RALGPS1: variants seen among roughly 807,000 people sequenced by gnomAD.
The protein encoded by RALGPS1 is ras-specific guanine nucleotide-releasing factor RalGPS1.
Under a neutral mutation model 78.8 loss-of-function variants are expected in RALGPS1, and 19 were observed. The ratio of observed to expected loss-of-function variants is 0.24; its 90% CI spans 0.17 to 0.35. The LOEUF is 0.35. Ranked by LOEUF, RALGPS1 falls within the 10% of genes least tolerant of loss-of-function variation. The pLI, the probability that RALGPS1 is intolerant of heterozygous loss-of-function variation, is 1.00. For missense variants in RALGPS1, 454 were observed against 688.3 expected, an observed-to-expected ratio of 0.66 and a Z score of 3.81; for synonymous variants, 228 against 256.3, an observed-to-expected ratio of 0.89 and a Z score of 1.06.
chr9:126,967,768 A>C (rs1479392166), intron 3 of RALGPS1, among the ~76,000 whole-genome samples: 1 of 151,378 alleles, frequency 6.6e-6, no homozygotes, highest in Non-Finnish European at 1.5e-5. Flanking sequence ...CAATTCTTGG[A>C]CTCAAGTGAT....
At chr9:127,145,385 C>A (rs1564660904) in intron 8 of RALGPS1, among the ~76,000 whole-genome samples, 1 of 152,200 alleles carries the variant, frequency 6.6e-6, no homozygotes, top group Admixed American at 6.5e-5. Context: ...CCTGTGACGA[C>A]CTGCATCTTT....
intron 11 of RALGPS1, among the ~76,000 whole-genome samples, chr9:127,188,832 T>TTAAAAAAATAAAAAAAAAAAAAAAA (rs756481918): frequency 1.1e-5 from 1 of 87,472 alleles, no homozygotes. Context: ...CCATCTCTAC[T>TTAAAAAAATAAAAAAAAAAAAAAAA]AAAAAAAAAA....
chr9:127,139,406 T>C (rs972840098), intron 8 of RALGPS1, among the ~76,000 whole-genome samples: 1 of 152,358 alleles, frequency 6.6e-6, no homozygotes, highest in South Asian at 2.1e-4. Context: ...CAAACATTCA[T>C]GAACCCAACC....
chr9:127,045,868 C>T (rs371111556), intron 5 of RALGPS1, among the ~76,000 whole-genome samples: 1 of 151,782 alleles, frequency 6.6e-6, no homozygotes, highest in Non-Finnish European at 1.5e-5. Context: ...ATACTTCATA[C>T]CTGTTTTGTG....
At chr9:127,186,196 TCC>T (rs2060631684) in intron 11 of RALGPS1, among the ~76,000 whole-genome samples, 1 of 152,232 alleles carries the variant, frequency 6.6e-6, no homozygotes, top group Non-Finnish European at 1.5e-5. Context: ...GATATCTCGT[TCC>T]CCACAGAGAC....
Position 126,993,766 on chromosome 9 carries a change from G to T in RALGPS1, c.216+16021G>T, listed in dbSNP as rs906662999. 1.5e-4 allele frequency among the ~76,000 whole-genome samples: 23 copies of T among 152,108 alleles called. 1 individual carries two copies. Among genetic ancestry groups the T allele is most frequent in the African/African-American group, 5.3e-4 (22 of 41,426 alleles). ...TCCCTGACCCCAGAGTAGCCTAACT[G>T]GGAGGCACCCCCAGTAGGGGCGGAC... On this transcript the variant is annotated intron_variant, in intron 4 of 18. Coordinates refer to ENST00000259351, the MANE Select transcript of RALGPS1 (RefSeq NM_014636.3).
At position 127,091,883 on chromosome 9, in the gene RALGPS1, G is replaced by C; in HGVS notation, c.610+22527G>C. 1 of 1,614,136 alleles carries C rather than the reference G, an allele frequency of 6.2e-7. No individual in the cohort carries two copies. Among genetic ancestry groups the C allele is most frequent in the Non-Finnish European group, 8.5e-7 (1 of 1,180,032 alleles). ...AGTTTGTAGTTGCCTTGGTTCGTCA[G>C]CCAGTAAATGTTCTCCAGGCCCAGC... On this transcript the variant is annotated intron_variant, in intron 8 of 18. Coordinates refer to ENST00000259351, the MANE Select transcript of RALGPS1 (RefSeq NM_014636.3). This position sits in a 1 kb window ranked among gnomAD's most constrained non-coding sequence, Gnocchi z 4.3.
In RALGPS1 at chr9:127,169,469, G is replaced by A. The variant is rs138480108; in HGVS notation, c.842+697G>A. Among the ~76,000 whole-genome samples the A allele has an allele frequency of 9.8e-4, 149 of 152,000 alleles. No individual in the cohort carries two copies. The East Asian group carries it at 0.02, about 20-fold the overall frequency. On this transcript the variant is annotated intron_variant, in intron 10 of 18. Coordinates refer to ENST00000259351, the MANE Select transcript of RALGPS1 (RefSeq NM_014636.3). ...TGGAGGGAAAAGAAGGATTTTTTTCGTGTTAACTCTGTCTGCCATACTGCT... is the reference window on the plus strand; with the variant it reads ...TGGAGGGAAAAGAAGGATTTTTTTCATGTTAACTCTGTCTGCCATACTGCT...
chr9:127,142,181 C>T (rs761586423), intron 8 of RALGPS1, among the ~76,000 whole-genome samples: 51 of 152,210 alleles, frequency 3.4e-4, no homozygotes, highest in Admixed American at 1.3e-4. Flanking sequence ...TCATAGAGAG[C>T]AGGAGATGCC....
intron 8 of RALGPS1, among the ~76,000 whole-genome samples, chr9:127,130,608 A>G (rs1199970568): frequency 6.6e-6 from 1 of 152,228 alleles, no homozygotes; most frequent in Non-Finnish European, 1.5e-5. Flanking sequence ...TCCTTTTAAC[A>G]TAGTGGAAAG....
At chr9:127,175,513 C>T (rs183991172) in intron 11 of RALGPS1, among the ~76,000 whole-genome samples, 150 of 152,108 alleles carry the variant, frequency 9.9e-4, no homozygotes, top group African/African-American at 3.3e-3. Flanking sequence ...TGACTCTCAA[C>T]GACAGGAGCT....
chr9:127,114,588 C>G (rs1442768890), intron 8 of RALGPS1, among the ~76,000 whole-genome samples: 2 of 152,212 alleles, frequency 1.3e-5, no homozygotes, highest in Non-Finnish European at 2.9e-5. Context: ...ATCATCAGTC[C>G]AGGTTGTAGT....
intron 8 of RALGPS1, among the ~76,000 whole-genome samples, chr9:127,159,249 G>A (rs1659394948): frequency 6.6e-6 from 1 of 152,130 alleles, no homozygotes; most frequent in South Asian, 2.1e-4. Context: ...GCAAACAGTG[G>A]GTTACCTCTT....
chr9:127,051,648 A>G (rs1055159815), intron 6 of RALGPS1, among the ~76,000 whole-genome samples: 2 of 152,242 alleles, frequency 1.3e-5, no homozygotes, highest in African/African-American at 4.8e-5. Flanking sequence ...GTGGTGAGAG[A>G]GAAATTTCCA....
rs995074008 is a variant in RALGPS1, at chr9:126,919,140, G to A, written c.-66+4165G>A. On this transcript the variant is annotated intron_variant, in intron 1 of 18. Coordinates refer to ENST00000259351, the MANE Select transcript of RALGPS1 (RefSeq NM_014636.3). ...GAATAGCATTTTATACATACTCATT[G>A]GTGCTTCATGTATCCACTTGATTTA... Among the ~76,000 whole-genome samples the A allele has an allele frequency of 1.2e-4, 18 of 152,092 alleles. 1 individual carries two copies. Among genetic ancestry groups the A allele is most frequent in the Admixed American group, 1.2e-3 (18 of 15,278 alleles).
chr9:126,931,540 T>C (rs902763281), intron 1 of RALGPS1, among the ~76,000 whole-genome samples: 2 of 152,206 alleles, frequency 1.3e-5, no homozygotes, highest in Admixed American at 6.5e-5. Context: ...CGTATGATTC[T>C]GTCTGTATGA....
At chr9:127,121,792 G>A (rs570119941) in intron 8 of RALGPS1, among the ~76,000 whole-genome samples, 144 of 152,212 alleles carry the variant, frequency 9.5e-4, no homozygotes, top group African/African-American at 3.2e-3. Flanking sequence ...GCTGGAGGGT[G>A]TGAGCAGAGG....
At chr9:127,135,469 GAC>G (rs2057327347) in intron 8 of RALGPS1, among the ~76,000 whole-genome samples, 1 of 151,762 alleles carries the variant, frequency 6.6e-6, no homozygotes, top group African/African-American at 2.4e-5. Flanking sequence ...AGGGGCCAGG[GAC>G]ATGTGCCCCT....
chr9:127,045,754 C>T (rs953070600), intron 5 of RALGPS1, among the ~76,000 whole-genome samples: 39 of 45,694 alleles, frequency 8.5e-4, no homozygotes, highest in African/African-American at 2.0e-3. Context: ...CACACACACA[C>T]ACACACATAC....
Sources: gnomAD v4.1 joint callset for allele counts (sites outside exome capture counted in the v4.1 genomes callset) on GRCh38, gnomAD v4.1.1 for gene constraint, Gnocchi (gnomAD v3.1) non-coding constraint, MANE v1.5 for transcripts, NCBI Gene and HGNC (gene_info 2026-07-23, HGNC 2026-07-21) for gene names.